Variants in TTC39C observed in about 807,000 individuals in gnomAD.
TTC39C encodes the protein tetratricopeptide repeat protein 39C.
In TTC39C, 33 loss-of-function variants were observed where a neutral mutation model predicts 76.3. The ratio of observed to expected loss-of-function variants is 0.43; its 90% CI spans 0.33 to 0.58. TTC39C has a LOEUF of 0.58. Among genes scored for constraint, TTC39C ranks in the 20% least tolerant of loss-of-function variants. The probability of loss-of-function intolerance (pLI) is 0.04; values close to 1 mark genes in which losing one functional copy is unlikely to be tolerated. For synonymous variants in TTC39C, 254 were observed against 260.6 expected, an observed-to-expected ratio of 0.97 and a Z score of 0.24; for missense variants, 595 against 701.4, an observed-to-expected ratio of 0.85 and a Z score of 1.71.
intron 1 of TTC39C, among the ~76,000 whole-genome samples, chr18:24,028,540 T>C (rs2083625065): frequency 6.6e-6 from 1 of 152,188 alleles, no homozygotes; most frequent in Non-Finnish European, 1.5e-5. Flanking sequence ...TGACCTATGC[T>C]CTACTAAAAA....
At chr18:24,083,280 G>A (rs1425409819) in intron 6 of TTC39C, among the ~76,000 whole-genome samples, 199 bp downstream of exon 6, 1 of 152,178 alleles carries the variant, frequency 6.6e-6, no homozygotes, top group Non-Finnish European at 1.5e-5. Context: ...CTGTTCGGAA[G>A]ATGTGGGCGA....
intron 4 of TTC39C, among the ~76,000 whole-genome samples, chr18:24,071,543 A>ATTGAATC (rs1357750345): frequency 6.6e-6 from 1 of 152,164 alleles, no homozygotes; most frequent in Non-Finnish European, 1.5e-5. Flanking sequence ...TTTTTGCAAA[A>ATTGAATC]TTGAATCTAA....
At chr18:24,055,512 A>T (rs2084004468) in intron 1 of TTC39C, among the ~76,000 whole-genome samples, 2 of 152,142 alleles carry the variant, frequency 1.3e-5, no homozygotes, top group South Asian at 4.1e-4. Context: ...TCATGTGCTT[A>T]TATAGCCATT....
At chr18:24,088,593 T>C (rs1384383019) in intron 6 of TTC39C, among the ~76,000 whole-genome samples, 2 of 152,210 alleles carry the variant, frequency 1.3e-5, no homozygotes, top group African/African-American at 4.8e-5. Context: ...CCTTGTTTGT[T>C]TTTTCAGAAG....
chr18:24,045,921 A>ATTTT (rs2083872307), intron 1 of TTC39C, among the ~76,000 whole-genome samples: 1 of 18,080 alleles, frequency 5.5e-5, no homozygotes, highest in African/African-American at 2.2e-4. Flanking sequence ...ATATATATAT[A>ATTTT]TATATATTTT....
Position 24,066,021 on chromosome 18 carries a change from A to G in TTC39C, c.226A>G (p.Met76Val). 6.3e-7 allele frequency: 1 copy of G among 1,586,832 alleles called. No homozygotes were observed. Among genetic ancestry groups the G allele is most frequent in the South Asian group, 1.2e-5 (1 of 85,718 alleles). Reference protein sequence around the residue: ...ASFVSFLNAMMTFEEEKMQLA... With the variant: ...ASFVSFLNAMVTFEEEKMQLA... ...CTTTCTTTCTTGGAAGAATGCCATG[A>G]TGACATTTGAGGAAGAAAAAATGCA... Residue 76 changes from methionine (M) to valine (V), a missense_variant, in exon 3 of 14, where the codon ATG becomes GTG. Physicochemically the swap from Met to Val is conservative, Grantham distance 21 (BLOSUM62 1). Transcript: ENST00000317571.
At chr18:23,996,829 G>T (rs2083264751) in intron 1 of TTC39C, among the ~76,000 whole-genome samples, 1 of 152,202 alleles carries the variant, frequency 6.6e-6, no homozygotes, top group Non-Finnish European at 1.5e-5. Context: ...AAATCAGTTG[G>T]CCGGGCACAG....
chr18:24,111,370 A>G (rs111871970), intron 6 of TTC39C, among the ~76,000 whole-genome samples: 6,846 of 151,956 alleles, frequency 0.045, 451 homozygotes, highest in African/African-American at 0.15. Flanking sequence ...GGAGTTCGAG[A>G]CCAGCCTGGT....
At chr18:24,083,934 C>T (rs1181206918) in intron 6 of TTC39C, among the ~76,000 whole-genome samples, 1 of 152,172 alleles carries the variant, frequency 6.6e-6, no homozygotes, top group Admixed American at 6.5e-5. Flanking sequence ...CAACATCTGT[C>T]CTCCAGTTAA....
At chr18:24,017,892 T>C in intron 1 of TTC39C, among the ~76,000 whole-genome samples, 1 of 152,240 alleles carries the variant, frequency 6.6e-6, no homozygotes, top group East Asian at 1.9e-4. Flanking sequence ...ACAATATTTT[T>C]TATTAAAGCA....
intron 6 of TTC39C, among the ~76,000 whole-genome samples, chr18:24,102,160 T>G (rs2084684477): frequency 6.6e-6 from 1 of 152,204 alleles, no homozygotes; most frequent in Non-Finnish European, 1.5e-5. Context: ...CTAGACAGAA[T>G]CGTGTCTGAA....
chr18:24,126,366 T>G (rs554609820), intron 10 of TTC39C, among the ~76,000 whole-genome samples: 4 of 148,780 alleles, frequency 2.7e-5, no homozygotes, highest in Non-Finnish European at 5.9e-5. Context: ...TATAGCATGA[T>G]CCATTGAGCC....
intron 9 of TTC39C, chr18:24,124,165 C>T (rs996174049): frequency 3.0e-5 from 11 of 372,852 alleles, no homozygotes; most frequent in Admixed American, 2.3e-4. Context: ...TTTAAAAAAT[C>T]GATGAGTCCT....
intron 6 of TTC39C, among the ~76,000 whole-genome samples, chr18:24,109,209 T>G (rs1243045840): frequency 7.4e-6 from 1 of 134,324 alleles, no homozygotes; most frequent in East Asian, 2.0e-4. Flanking sequence ...GTTAAAAAAT[T>G]AGCCAGATTG....
intron 1 of TTC39C, among the ~76,000 whole-genome samples, chr18:24,061,354 G>A (rs1008508926): frequency 1.3e-5 from 2 of 151,632 alleles, no homozygotes; most frequent in Non-Finnish European, 2.9e-5. Context: ...CCTTCACATA[G>A]CATTCCCACT....
Position 24,111,467 on chromosome 18 carries a change from G to T in TTC39C, c.985-3087G>T, listed in dbSNP as rs1599336181. On this transcript the variant is annotated intron_variant, in intron 6 of 13. Coordinates refer to ENST00000317571, the MANE Select transcript of TTC39C (RefSeq NM_001135993.2). ...GCCTGTAGTCCCAGCTACTTAGGAG[G>T]CTGAGGCAGGAGAATCGCTTGAACC... Among the ~76,000 whole-genome samples the T allele has an allele frequency of 2.0e-5, 3 of 151,820 alleles. No individual in the cohort carries two copies. The South Asian group carries it at 6.3e-4, about 32-fold the overall frequency.
rs541322546 is a variant in TTC39C, at chr18:23,996,838, A to G, written c.-17+3800A>G. Among the ~76,000 whole-genome samples the G allele has an allele frequency of 2.6e-4, 40 of 152,344 alleles. No homozygotes were observed. In the South Asian group the frequency reaches 5.0e-3, roughly 19 times the overall value. On this transcript the variant is annotated intron_variant, in intron 1 of 13. Coordinates refer to the TTC39C transcript ENST00000304621. Reference sequence around the variant, plus strand: ...ATTAAGAAATCAGTTGGCCGGGCACAGTGGCTCACGCCTGTAATCCCAGCA... The same window carrying G: ...ATTAAGAAATCAGTTGGCCGGGCACGGTGGCTCACGCCTGTAATCCCAGCA...
chr18:24,118,295 G>A, intron 8 of TTC39C, 63 bp downstream of exon 8: 1 of 1,307,680 alleles, frequency 7.6e-7, no homozygotes, highest in Non-Finnish European at 1.1e-6. Context: ...CCTGACGTGG[G>A]CAGATGGGAG....
rs374114852 is a variant in TTC39C at position 24,037,053 on chromosome 18, C to G, written c.167+22015C>G. Among the ~76,000 whole-genome samples the G allele has an allele frequency of 6.3e-4, 96 of 152,218 alleles. 2 individuals are homozygous for G. In the South Asian group the frequency reaches 0.019, roughly 31 times the overall value. On this transcript the variant is annotated intron_variant, in intron 1 of 13. Coordinates refer to ENST00000317571, the MANE Select transcript of TTC39C (RefSeq NM_001135993.2). ...CCTTTACTACTTGCTCTGGCTAGGA[C>G]TTCTAGTGCTATGGTGAATAGCAAT...
Sources: gnomAD v4.1 joint callset for allele counts (sites outside exome capture counted in the v4.1 genomes callset) on GRCh38, gnomAD v4.1.1 for gene constraint, MANE v1.5 for transcripts, NCBI Gene and HGNC (gene_info 2026-07-23, HGNC 2026-07-21) for gene names.